The following GRID2IP variants were observed in gnomAD, a reference collection of about 807,000 sequenced individuals.
The protein encoded by GRID2IP is Grid2 interacting protein, also known as delphilin.
GRID2IP carries 78 observed loss-of-function variants against 114.3 expected under a neutral mutation model. The ratio of observed to expected loss-of-function variants is 0.68; its 90% CI spans 0.57 to 0.82. GRID2IP has a LOEUF of 0.82. Ranked by LOEUF, GRID2IP falls within the 40% of genes least tolerant of loss-of-function variation. The pLI, the probability that GRID2IP is intolerant of heterozygous loss-of-function variation, is 0.00. For synonymous variants in GRID2IP, 809 were observed against 724.0 expected (o/e 1.12, Z -1.89); for missense variants, 1,727 against 1,678.5 (o/e 1.03, Z -0.51).
chr7:6,499,108 C>T (rs761499507), intron 20 of GRID2IP, among the ~76,000 whole-genome samples: 3 of 152,108 alleles, frequency 2.0e-5, no homozygotes, highest in South Asian at 2.1e-4. Flanking sequence ...GTTGAATCAT[C>T]GTTTAACACC....
rs746787203 is a variant in GRID2IP, at chr7:6,523,985, C to A, written c.920-2028G>T. On this transcript the variant is annotated intron_variant, in intron 4 of 21. Coordinates refer to ENST00000457091, the MANE Select transcript of GRID2IP (RefSeq NM_001145118.2). This position sits in a 1 kb window ranked among gnomAD's most constrained non-coding sequence, Gnocchi z 4.5. ...AAGCTCTCCAGAGAGCAGCTTTGGG[C>A]CTTTTGCTTACAATATGGTGTCAAC... 6.6e-6 allele frequency among the ~76,000 whole-genome samples: 1 copy of A among 152,158 alleles called. No homozygotes were observed. Among genetic ancestry groups the A allele is most frequent in the Non-Finnish European group, 1.5e-5 (1 of 68,032 alleles).
chr7:6,497,584 G>A lies in GRID2IP; in HGVS notation c.*190C>T. On this transcript the variant is annotated 3_prime_UTR_variant, in exon 22 of 22. Coordinates refer to ENST00000457091, the MANE Select transcript of GRID2IP (RefSeq NM_001145118.2). ...CTGCTCCTACAGCATCTGGCTCTGG[G>A]CCTGGGGGTAGGAACAAGGGCTGGC... 1 of 530,936 alleles carries A rather than the reference G, an allele frequency of 1.9e-6. No homozygotes were observed. Among genetic ancestry groups the A allele is most frequent in the East Asian group, 3.2e-5 (1 of 30,888 alleles). The allele number at this position is 530,936 out of a possible 1,614,324, so 32.9% of individuals were successfully genotyped here.
intron 1 of GRID2IP, among the ~76,000 whole-genome samples, chr7:6,540,219 T>A (rs1304533293): frequency 6.6e-6 from 1 of 151,946 alleles, no homozygotes; most frequent in South Asian, 2.1e-4. Context: ...TTCAAGCGAT[T>A]CTCCTGCCTC....
At chr7:6,545,194 T>C (rs1041336110) in intron 1 of GRID2IP, among the ~76,000 whole-genome samples, 9 of 151,934 alleles carry the variant, frequency 5.9e-5, no homozygotes, top group Non-Finnish European at 1.2e-4. Flanking sequence ...TAGGAGGATC[T>C]CTTGTGCCCG....
chr7:6,520,877 C>T lies in GRID2IP; in HGVS notation c.1085-116G>A. 4.1e-6 allele frequency: 4 copies of T among 982,548 alleles called. No homozygotes were observed. Among genetic ancestry groups the T allele is most frequent in the Non-Finnish European group, 5.9e-6 (4 of 673,682 alleles). The allele number at this position is 982,548 out of a possible 1,614,324, so 60.9% of individuals were successfully genotyped here. A position where few individuals can be genotyped will look rare whatever the true frequency, so the allele number is the denominator to read the frequency against. Reference sequence around the variant, plus strand: ...TGAGCTGGGGTGTGGCTGTCCAGTGCCATGCATGGGAAGGCATGCCTGTGG... The same window carrying T: ...TGAGCTGGGGTGTGGCTGTCCAGTGTCATGCATGGGAAGGCATGCCTGTGG... On this transcript the variant is annotated intron_variant, in intron 6 of 21. Coordinates refer to ENST00000457091, the MANE Select transcript of GRID2IP (RefSeq NM_001145118.2). The surrounding 1 kb of genome is among the most constrained non-coding windows in gnomAD (Gnocchi z 4.6).
chr7:6,498,086 G>T lies in GRID2IP; in HGVS notation c.3542C>A (p.Ala1181Glu). The T allele has an allele frequency of 6.4e-7, 1 of 1,551,358 alleles. No homozygotes were observed. Among genetic ancestry groups the T allele is most frequent in the Non-Finnish European group, 8.7e-7 (1 of 1,146,830 alleles). The change falls in exon 21 of 22, where the codon GCA (alanine) becomes GAA (glutamate). Residue 1181 changes from alanine (A) to glutamate (E), a missense_variant. Physicochemically the swap from Ala to Glu is moderately radical, Grantham distance 107. Transcript: ENST00000457091. ...CACCTCGAATTTGCTCATGAACTCT[G>T]CAAAGATGCCGAAGAAAGCCTCAGA... is the stretch of plus-strand genomic sequence containing the variant. ...TTSEAFFGIF[A>E]EFMSKFERAL...
At chr7:6,531,264 T>C (rs1779618165) in intron 2 of GRID2IP, 1 of 409,092 alleles carries the variant, frequency 2.4e-6, no homozygotes, top group African/African-American at 2.1e-5. Flanking sequence ...CCCCTTTTGG[T>C]GGCCCCGCCC....
intron 2 of GRID2IP, among the ~76,000 whole-genome samples, chr7:6,530,627 C>A (rs1779603439): frequency 6.6e-6 from 1 of 151,690 alleles, no homozygotes; most frequent in African/African-American, 2.4e-5. Flanking sequence ...GAAATGGTGG[C>A]AAGGGGACAA....
rs1779449248 is a variant in GRID2IP, at chr7:6,523,357, G to A, written c.920-1400C>T. ...CAATCTGGCCTGCCTGGAATGGTGG[G>A]ACAGCTAGAGAGGTTGTCGCAGGGG... is the stretch of plus-strand genomic sequence containing the variant. On this transcript the variant is annotated intron_variant, in intron 4 of 21. Coordinates refer to ENST00000457091, the MANE Select transcript of GRID2IP (RefSeq NM_001145118.2). The surrounding 1 kb of genome is among the most constrained non-coding windows in gnomAD (Gnocchi z 4.5). 1.3e-5 allele frequency among the ~76,000 whole-genome samples: 2 copies of A among 152,094 alleles called. No homozygotes were observed. Among genetic ancestry groups the A allele is most frequent in the Admixed American group, 1.3e-4 (2 of 15,248 alleles).
At chr7:6,550,980 G>GAACCCC in intron 1 of GRID2IP, 28 bp downstream of exon 1, 2 of 550,068 alleles carry the variant, frequency 3.6e-6, no homozygotes, top group Non-Finnish European at 4.6e-6. Context: ...CCTCCTTCCC[G>GAACCCC]CCCCCACCTC....
Position 6,551,100 on chromosome 7 carries a change from G to C in GRID2IP, c.337C>G (p.Leu113Val). The change falls in exon 1 of 22, where the codon CTG becomes GTG. Residue 113 changes from leucine to valine, a missense_variant. Coordinates refer to ENST00000457091, the MANE Select transcript of GRID2IP (RefSeq NM_001145118.2). ...GCCAGGCGAAGCAGCTCACGGCCCA[G>C]AGCTAGGCCGCGGCCGCACCGCGGG... The part of the protein sequence containing the change: ...RAPRCGRGLA[L>V]GRELLRLAGR... The C allele has an allele frequency of 1.5e-6, 2 of 1,305,556 alleles. No homozygotes were observed. The highest frequency in any genetic ancestry group is 1.9e-6 in the Non-Finnish European group (2 of 1,031,430). 80.9% of individuals were successfully genotyped at this position (1,305,556 alleles called of 1,614,324 possible).
rs73059362 is a variant in GRID2IP, at chr7:6,528,791, C to T, written c.585-2022G>A. Among the ~76,000 whole-genome samples, 45 of 152,002 alleles carry T rather than the reference C, an allele frequency of 3.0e-4. No individual in the cohort carries two copies. Among genetic ancestry groups the T allele is most frequent in the South Asian group, 2.1e-4 (1 of 4,824 alleles). On this transcript the variant is annotated intron_variant, in intron 2 of 21. Transcript: ENST00000457091. This position sits in a 1 kb window ranked among gnomAD's most constrained non-coding sequence, Gnocchi z 6.0. ...CCGCAGTGAGCTCCGCTCCAGGTCT[C>T]GATGGTCCGGGGGGTAACCAGGAAC...
Position 6,521,159 on chromosome 7 carries a change from C to A in GRID2IP, c.1084+270G>T, listed in dbSNP as rs1454716290. ...CTAGTTTTTGTATTTTTAGTAGAGA[C>A]AGAGTTGTGCCATGTTGCTCAGACT... On this transcript the variant is annotated intron_variant, in intron 6 of 21. Transcript: ENST00000457091. This position sits in a 1 kb window ranked among gnomAD's most constrained non-coding sequence, Gnocchi z 4.1. Among the ~76,000 whole-genome samples the A allele has an allele frequency of 2.6e-5, 4 of 152,108 alleles. No homozygotes were observed. The highest frequency in any genetic ancestry group is 9.7e-5 in the African/African-American group (4 of 41,420).
In GRID2IP at chr7:6,536,958, T is replaced by A. The variant is rs1286738674; in HGVS notation, c.584+2760A>T. 2.3e-5 allele frequency: 6 copies of A among 262,006 alleles called. No homozygotes were observed. Among genetic ancestry groups the A allele is most frequent in the Non-Finnish European group, 4.4e-5 (6 of 136,298 alleles). The allele number at this position is 262,006 out of a possible 1,614,324, so 16.2% of individuals were successfully genotyped here. On this transcript the variant is annotated intron_variant, in intron 2 of 21. Coordinates refer to ENST00000457091, the MANE Select transcript of GRID2IP (RefSeq NM_001145118.2). This position sits in a 1 kb window ranked among gnomAD's most constrained non-coding sequence, Gnocchi z 5.3. ...GGGTGGCCAGCCCAGTCCCTGACAT[T>A]GGCCAGGCCCAGAGGGAGGGGCAGG...
chr7:6,544,349 G>A (rs1204931772), intron 1 of GRID2IP, among the ~76,000 whole-genome samples: 2 of 151,540 alleles, frequency 1.3e-5, no homozygotes, highest in Admixed American at 1.3e-4. Flanking sequence ...GCATGATCTC[G>A]GCTCATTGCA....
Position 6,516,815 on chromosome 7 carries a change from CCT to C in GRID2IP, c.1269-2288_1269-2287del, listed in dbSNP as rs1276315488. Among the ~76,000 whole-genome samples the C allele has an allele frequency of 4.6e-5, 7 of 152,280 alleles. No homozygotes were observed. The highest frequency in any genetic ancestry group is 4.1e-4 in the South Asian group (2 of 4,824). ...GAAGAAATAATTACGTAAGCTGTCC[CCT>C]CTTTCTCTCCGCCTCAGCTACCAAA... On this transcript the variant is annotated intron_variant, in intron 7 of 21. Transcript: ENST00000457091. This position sits in a 1 kb window ranked among gnomAD's most constrained non-coding sequence, Gnocchi z 4.3.
intron 20 of GRID2IP, among the ~76,000 whole-genome samples, chr7:6,499,395 C>T (rs1290242270): frequency 6.6e-6 from 1 of 152,144 alleles, no homozygotes; most frequent in Non-Finnish European, 1.5e-5. Context: ...GTCTGATGTG[C>T]CAGGTCAATT....
chr7:6,501,812 G>C lies in GRID2IP; in HGVS notation c.3368C>G (p.Ser1123Cys). The C allele has an allele frequency of 6.4e-7, 1 of 1,551,412 alleles. No homozygotes were observed. The highest frequency in any genetic ancestry group is 8.7e-7 in the Non-Finnish European group (1 of 1,146,916). The part of the protein sequence containing the change: ...IQDACQSISP[S>C]SEDKFAMVMS... ...GACCATTGCAAACTTGTCCTCGCTA[G>C]AGGGGGAAATGCTCTGGCAGGCATC... is the stretch of plus-strand genomic sequence containing the variant. The change falls in exon 20 of 22, where the codon TCT becomes TGT. Residue 1123 changes from serine to cysteine, a missense_variant. Transcript: ENST00000457091.
chr7:6,519,975 T>A lies in GRID2IP; in HGVS notation c.1268+603A>T, dbSNP rs1391524190. Among the ~76,000 whole-genome samples, 3 of 151,476 alleles carry A rather than the reference T, an allele frequency of 2.0e-5. No individual in the cohort carries two copies. Among genetic ancestry groups the A allele is most frequent in the Non-Finnish European group, 4.4e-5 (3 of 67,890 alleles). On this transcript the variant is annotated intron_variant, in intron 7 of 21. Transcript: ENST00000457091. The surrounding 1 kb of genome is among the most constrained non-coding windows in gnomAD (Gnocchi z 4.1). Reference sequence around the variant, plus strand: ...AGGTGGGGCTCTGGTGAAGGTCCCATCAAGAATGCTGCAGGTGGGCCAAGG... The same window carrying A: ...AGGTGGGGCTCTGGTGAAGGTCCCAACAAGAATGCTGCAGGTGGGCCAAGG...
Sources: gnomAD v4.1 joint callset for allele counts (sites outside exome capture counted in the v4.1 genomes callset) on GRCh38, gnomAD v4.1.1 for gene constraint, Gnocchi (gnomAD v3.1) non-coding constraint, MANE v1.5 for transcripts, NCBI Gene and HGNC (gene_info 2026-07-23, HGNC 2026-07-21) for gene names.